Variants in CLSTN1 observed in about 807,000 individuals in gnomAD.
CLSTN1 encodes the protein calsyntenin-1.
In CLSTN1, 28 loss-of-function variants were observed where a neutral mutation model predicts 108.3. That is an observed-to-expected ratio of 0.26 (90% CI 0.19 to 0.35). The LOEUF (loss-of-function observed/expected upper bound fraction) is 0.35, where lower values mean the gene tolerates loss of function less well. Ranked by LOEUF, CLSTN1 falls within the 10% of genes least tolerant of loss-of-function variation. The pLI, the probability that CLSTN1 is intolerant of heterozygous loss-of-function variation, is 1.00. For missense variants in CLSTN1, 1,157 were observed against 1,302.6 expected, an observed-to-expected ratio of 0.89 and a Z score of 1.72; for synonymous variants, 524 against 534.9, an observed-to-expected ratio of 0.98 and a Z score of 0.28.
intron 1 of CLSTN1, among the ~76,000 whole-genome samples, chr1:9,796,205 T>C (rs570796638): frequency 1.4e-5 from 2 of 144,978 alleles, no homozygotes; most frequent in South Asian, 4.7e-4. Flanking sequence ...GAGGTTGCAG[T>C]GAGCGGAGAT....
intron 1 of CLSTN1, among the ~76,000 whole-genome samples, chr1:9,782,825 G>A (rs973182826): frequency 2.0e-5 from 3 of 151,694 alleles, no homozygotes; most frequent in Non-Finnish European, 2.9e-5. Context: ...TGGCCAACAT[G>A]GTAAAACCCC....
chr1:9,794,103 A>G (rs1247525953), intron 1 of CLSTN1, among the ~76,000 whole-genome samples: 2 of 151,608 alleles, frequency 1.3e-5, no homozygotes, highest in South Asian at 2.2e-4. Flanking sequence ...ACACTTTGTA[A>G]AGAACCTCAG....
chr1:9,778,153 T>C (rs1402144828), intron 1 of CLSTN1, among the ~76,000 whole-genome samples: 23 of 151,798 alleles, frequency 1.5e-4, no homozygotes. Context: ...GTTCATTACA[T>C]ATAAAATGTT....
chr1:9,801,769 T>C (rs1654280429), intron 1 of CLSTN1, among the ~76,000 whole-genome samples: 2 of 152,170 alleles, frequency 1.3e-5, no homozygotes, highest in East Asian at 1.9e-4. Flanking sequence ...TTGGTCAGGC[T>C]GATCTCGAAC....
intron 7 of CLSTN1, 47 bp downstream of exon 7, chr1:9,749,414 C>T: frequency 6.5e-7 from 1 of 1,536,102 alleles, no homozygotes; most frequent in Non-Finnish European, 8.8e-7. Flanking sequence ...AGGTCCCTCC[C>T]ACCTTCACCA....
chr1:9,803,158 CAAGCA>C (rs918570794), intron 1 of CLSTN1, among the ~76,000 whole-genome samples: 26 of 152,054 alleles, frequency 1.7e-4, no homozygotes, highest in East Asian at 1.2e-3. Context: ...AAATAATATA[CAAGCA>C]AACAGAGCTT....
chr1:9,766,643 G>A (rs1038143728), intron 2 of CLSTN1, among the ~76,000 whole-genome samples: 6 of 152,192 alleles, frequency 3.9e-5, no homozygotes, highest in African/African-American at 1.4e-4. Flanking sequence ...CTGGGTGACA[G>A]AGCGAGACCC....
intron 1 of CLSTN1, among the ~76,000 whole-genome samples, chr1:9,798,136 G>A (rs1364649743): frequency 1.4e-5 from 2 of 138,396 alleles, no homozygotes; most frequent in African/African-American, 5.5e-5. Flanking sequence ...GAGGGGAAGA[G>A]GGGAAGAGGG....
intron 3 of CLSTN1, 107 bp downstream of exon 3, chr1:9,756,374 G>A (rs1651804732): frequency 1.2e-6 from 1 of 862,108 alleles, no homozygotes; most frequent in Non-Finnish European, 1.9e-6. Context: ...AATAAATAAG[G>A]ATAAAAGAGC....
intron 1 of CLSTN1, among the ~76,000 whole-genome samples, chr1:9,775,166 G>T (rs1177226188): frequency 6.6e-6 from 1 of 152,034 alleles, no homozygotes; most frequent in Admixed American, 6.6e-5. Context: ...GTCTTGTACT[G>T]ACCTCCTACC....
rs549792446 is a variant in CLSTN1, at chr1:9,810,038, AAG to A, written c.91+13603_91+13604del. Among the ~76,000 whole-genome samples the A allele has an allele frequency of 9.7e-3, 974 of 100,482 alleles. 13 individuals are homozygous for A. Among genetic ancestry groups the A allele is most frequent in the African/African-American group, 0.034 (888 of 26,422 alleles). The allele number at this position is 100,482 out of a possible 152,430, so 65.9% of individuals were successfully genotyped here. ...TGGGCAACAGAGGGAGACTCTGAGAAAGAGAGAGAGAGAAAGAGAGAGAAAGA... is the reference window on the plus strand; with the variant it reads ...TGGGCAACAGAGGGAGACTCTGAGAAAGAGAGAGAGAAAGAGAGAGAAAGA... On this transcript the variant is annotated intron_variant, in intron 1 of 18. Transcript: ENST00000377298.
intron 3 of CLSTN1, 80 bp from the exon 4 acceptor site, chr1:9,755,389 C>T: frequency 1.7e-6 from 2 of 1,191,088 alleles, no homozygotes; most frequent in Admixed American, 2.2e-5. Context: ...CCATCTCCAC[C>T]CCCAAAGAAA....
intron 1 of CLSTN1, among the ~76,000 whole-genome samples, chr1:9,775,771 G>C (rs1652908496): frequency 6.6e-6 from 1 of 152,072 alleles, no homozygotes; most frequent in African/African-American, 2.4e-5. Context: ...CTTATTGAAT[G>C]AACCACTCAG....
At chr1:9,783,012 G>C (rs1014067675) in intron 1 of CLSTN1, among the ~76,000 whole-genome samples, 3 of 151,766 alleles carry the variant, frequency 2.0e-5, no homozygotes, top group Admixed American at 6.6e-5. Context: ...ATCTCAAAAA[G>C]AAAAAGAGAG....
chr1:9,772,470 C>T (rs1356650767), intron 2 of CLSTN1, among the ~76,000 whole-genome samples: 2 of 151,906 alleles, frequency 1.3e-5, no homozygotes, highest in Non-Finnish European at 2.9e-5. Context: ...TGTGCCCAGC[C>T]GTGCAGGAGA....
intron 1 of CLSTN1, among the ~76,000 whole-genome samples, chr1:9,810,214 G>A (rs1317786566): frequency 1.5e-5 from 2 of 132,872 alleles, no homozygotes; most frequent in East Asian, 2.4e-4. Flanking sequence ...GGTGGCTCAC[G>A]CCTCTAATCC....
At chr1:9,795,565 G>A (rs1653951417) in intron 1 of CLSTN1, among the ~76,000 whole-genome samples, 1 of 151,380 alleles carries the variant, frequency 6.6e-6, no homozygotes, top group African/African-American at 2.4e-5. Flanking sequence ...AAAAAGGGCA[G>A]AACCAATAGA....
intron 1 of CLSTN1, among the ~76,000 whole-genome samples, chr1:9,803,545 G>A (rs1654377510): frequency 6.6e-6 from 1 of 152,238 alleles, no homozygotes; most frequent in Non-Finnish European, 1.5e-5. Context: ...GCTCACGCCT[G>A]CAATCCCAGC....
At chr1:9,770,601 G>T (rs551709141) in intron 2 of CLSTN1, among the ~76,000 whole-genome samples, 2 of 152,294 alleles carry the variant, frequency 1.3e-5, no homozygotes, top group African/African-American at 4.8e-5. Context: ...GCAGAAAAGC[G>T]TATTTATTAT....
Sources: gnomAD v4.1 joint callset for allele counts (sites outside exome capture counted in the v4.1 genomes callset) on GRCh38, gnomAD v4.1.1 for gene constraint, MANE v1.5 for transcripts, NCBI Gene and HGNC (gene_info 2026-07-23, HGNC 2026-07-21) for gene names.